The following NXPH1 variants were observed in gnomAD, a reference collection of about 807,000 sequenced individuals.
The protein encoded by NXPH1 is neurexophilin-1.
Under a neutral mutation model 23.7 loss-of-function variants are expected in NXPH1, and 5 were observed. That is an observed-to-expected ratio of 0.21 (90% CI 0.11 to 0.44). The LOEUF (loss-of-function observed/expected upper bound fraction) is 0.44. NXPH1 is among the 20% of genes least tolerant of loss of function. The pLI is 0.99. For missense variants in NXPH1, 324 were observed against 321.6 expected (o/e 1.01, Z -0.06); for synonymous variants, 144 against 122.2 (o/e 1.18, Z -1.18).
At chr7:8,524,027 G>A (rs1252481812) in intron 2 of NXPH1, among the ~76,000 whole-genome samples, 10 of 151,946 alleles carry the variant, frequency 6.6e-5, no homozygotes, top group African/African-American at 1.5e-4. Flanking sequence ...GGTGGATTAC[G>A]AGGTCAGCAA....
chr7:8,737,609 C>G (rs1274153861), intron 2 of NXPH1, among the ~76,000 whole-genome samples: 1 of 152,082 alleles, frequency 6.6e-6, no homozygotes, highest in African/African-American at 2.4e-5. Flanking sequence ...AATTATGTGT[C>G]TTGGGATGGC....
chr7:8,736,413 C>G (rs891169511), intron 2 of NXPH1, among the ~76,000 whole-genome samples: 4 of 152,124 alleles, frequency 2.6e-5, no homozygotes, highest in African/African-American at 9.6e-5. Context: ...GAGCAGGTTG[C>G]TCAGTTTCCA....
At chr7:8,472,306 G>A (rs949379573) in intron 2 of NXPH1, among the ~76,000 whole-genome samples, 3 of 152,096 alleles carry the variant, frequency 2.0e-5, no homozygotes, top group Admixed American at 6.6e-5. Flanking sequence ...TGATCTCTAA[G>A]GCCCTTCTAA....
intron 2 of NXPH1, among the ~76,000 whole-genome samples, chr7:8,585,894 T>G (rs964776771): frequency 2.0e-5 from 3 of 152,204 alleles, no homozygotes; most frequent in African/African-American, 7.2e-5. Flanking sequence ...GAAGTACTTC[T>G]TGACCTGAAT....
intron 2 of NXPH1, among the ~76,000 whole-genome samples, chr7:8,601,380 T>G (rs1333716896): frequency 1.3e-5 from 2 of 151,862 alleles, no homozygotes; most frequent in Non-Finnish European, 2.9e-5. Flanking sequence ...AAATCACTTT[T>G]CAATGCATTA....
intron 2 of NXPH1, among the ~76,000 whole-genome samples, chr7:8,551,091 TTCTA>T (rs905754522): frequency 4.6e-5 from 7 of 151,518 alleles, no homozygotes; most frequent in African/African-American, 1.7e-4. Flanking sequence ...TTTTTAAAAA[TTCTA>T]TCAGCTGTGC....
intron 2 of NXPH1, among the ~76,000 whole-genome samples, chr7:8,490,067 A>G (rs1461828911): frequency 6.6e-6 from 1 of 152,094 alleles, no homozygotes; most frequent in Non-Finnish European, 1.5e-5. Flanking sequence ...AGTGTCCTTC[A>G]GTATCCTACT....
chr7:8,564,599 T>C (rs1200756698), intron 2 of NXPH1, among the ~76,000 whole-genome samples: 2 of 151,696 alleles, frequency 1.3e-5, no homozygotes, highest in Non-Finnish European at 2.9e-5. Flanking sequence ...GAACACTTAC[T>C]CCAAATTCCT....
intron 2 of NXPH1, among the ~76,000 whole-genome samples, chr7:8,483,527 T>A (rs1457142206): frequency 6.6e-6 from 1 of 152,014 alleles, no homozygotes; most frequent in African/African-American, 2.4e-5. Context: ...CAGGCTGGTC[T>A]CAAACTCCTG....
At chr7:8,629,466 A>T (rs371697474) in intron 2 of NXPH1, among the ~76,000 whole-genome samples, 95 of 152,272 alleles carry the variant, frequency 6.2e-4, no homozygotes, top group African/African-American at 2.2e-3. Flanking sequence ...AATGACTTAC[A>T]TGCAGTTGGG....
At chr7:8,634,660 G>A (rs1342622545) in intron 2 of NXPH1, among the ~76,000 whole-genome samples, 1 of 125,516 alleles carries the variant, frequency 8.0e-6, no homozygotes, top group Admixed American at 8.7e-5. Context: ...AGATTGTCCA[G>A]AAGAGTTTTT....
At chr7:8,737,057 G>A (rs975504012) in intron 2 of NXPH1, among the ~76,000 whole-genome samples, 6 of 152,016 alleles carry the variant, frequency 3.9e-5, no homozygotes, top group African/African-American at 1.4e-4. Context: ...CCTGAATACA[G>A]CAGATCGATG....
At chr7:8,722,177 A>T (rs1057049849) in intron 2 of NXPH1, among the ~76,000 whole-genome samples, 1 of 152,284 alleles carries the variant, frequency 6.6e-6, no homozygotes, top group Non-Finnish European at 1.5e-5. Context: ...ATAATTTTTT[A>T]AAAATTTTAA....
intron 2 of NXPH1, among the ~76,000 whole-genome samples, chr7:8,505,832 T>C (rs1046773186): frequency 8.5e-5 from 13 of 152,090 alleles, no homozygotes; most frequent in African/African-American, 3.1e-4. Context: ...TGCAGGTGTT[T>C]CTGTGTTCTA....
intron 2 of NXPH1, among the ~76,000 whole-genome samples, chr7:8,639,654 G>T (rs1008601877): frequency 2.0e-5 from 3 of 152,148 alleles, no homozygotes; most frequent in African/African-American, 7.2e-5. Flanking sequence ...AACTTGAATT[G>T]TATCTCCCAG....
chr7:8,694,432 G>A (rs1208674491), intron 2 of NXPH1, among the ~76,000 whole-genome samples: 1 of 152,144 alleles, frequency 6.6e-6, no homozygotes, highest in Non-Finnish European at 1.5e-5. Context: ...TTTGGGAATG[G>A]TGATTTCATT....
chr7:8,535,272 G>A (rs558293995), intron 2 of NXPH1, among the ~76,000 whole-genome samples: 1 of 152,072 alleles, frequency 6.6e-6, no homozygotes, highest in South Asian at 2.1e-4. Flanking sequence ...ACAAAAAAAA[G>A]GAAACAATCA....
intron 2 of NXPH1, among the ~76,000 whole-genome samples, chr7:8,595,200 A>AATAT (rs1819194519): frequency 1.3e-5 from 1 of 76,794 alleles, no homozygotes; most frequent in African/African-American, 8.7e-5. Context: ...AGTATAAATA[A>AATAT]ATAAATAAAT....
intron 2 of NXPH1, among the ~76,000 whole-genome samples, chr7:8,503,910 T>C (rs1563329737): frequency 6.6e-6 from 1 of 152,014 alleles, no homozygotes; most frequent in Non-Finnish European, 1.5e-5. Flanking sequence ...TATTAAAGAC[T>C]ATTCCCTCAG....
Sources: allele counts gnomAD v4.1 joint callset (sites outside exome capture counted in the v4.1 genomes callset), GRCh38; gene constraint gnomAD v4.1.1; transcripts MANE v1.5; gene names NCBI Gene and HGNC (gene_info 2026-07-23, HGNC 2026-07-21).